The following A2ML1 variants were observed in gnomAD, a reference collection of about 807,000 sequenced individuals.
A2ML1 encodes alpha-2-macroglobulin like 1.
A neutral mutation model predicts 181.9 loss-of-function variants in A2ML1; 161 were observed. The observed-to-expected ratio is 0.89, with a 90% CI of 0.78 to 1.01. The LOEUF is 1.01. A2ML1 is among the 50% of genes least tolerant of loss of function. The pLI is 0.00. For synonymous variants in A2ML1, 663 were observed against 666.8 expected (o/e 0.99, Z 0.09); for missense variants, 1,670 against 1,768.1 (o/e 0.94, Z 1.00).
chr12:8,839,919 G>T (rs766940358), intron 10 of A2ML1, among the ~76,000 whole-genome samples: 88 of 152,008 alleles, frequency 5.8e-4, no homozygotes, highest in Admixed American at 5.1e-3. Context: ...GGCTAATTTT[G>T]TATTTTTAGT....
Position 8,845,388 on chromosome 12 carries a change from A to G in A2ML1, c.1477-54A>G, listed in dbSNP as rs1167624137. 5 of 1,593,556 alleles carry G rather than the reference A, an allele frequency of 3.1e-6. No individual in the cohort carries two copies. The African/African-American group carries it at 6.7e-5, about 21-fold the overall frequency. The stretch of plus-strand genomic sequence containing the variant: ...GCAGAGATGCTCTGGAAGTTGGTCC[A>G]AGGTGAAATTACTGTAACTTCTGTG... On this transcript the variant is annotated intron_variant, in intron 12 of 35. Transcript: ENST00000299698.
chr12:8,867,863 G>T lies in A2ML1; in HGVS notation c.3739G>T (p.Ala1247Ser), dbSNP rs1427087860. 6.2e-7 allele frequency: 1 copy of T among 1,614,190 alleles called. No homozygotes were observed. Among genetic ancestry groups the T allele is most frequent in the Non-Finnish European group, 8.5e-7 (1 of 1,180,026 alleles). The change falls in exon 30 of 36, where the codon GCT becomes TCT. Residue 1247 changes from alanine (A) to serine (S), a missense_variant. Ala to Ser is a moderately conservative substitution (Grantham distance 99). Transcript: ENST00000299698. ...TCAGGATACTGTAGTTGCTCTCCAA[G>T]CTCTTGCCAAATATGCCACTACCGC... ...STQDTVVALQ[A>S]LAKYATTAYM...
chr12:8,824,270 A>C (rs541063879), intron 3 of A2ML1, among the ~76,000 whole-genome samples: 277 of 103,668 alleles, frequency 2.7e-3, no homozygotes, highest in Non-Finnish European at 4.2e-3. Flanking sequence ...ATTCGTCCTT[A>C]CAGGGGCACT....
At chr12:8,834,219 G>C (rs1018137483) in intron 4 of A2ML1, among the ~76,000 whole-genome samples, 1 of 152,162 alleles carries the variant, frequency 6.6e-6, no homozygotes, top group Non-Finnish European at 1.5e-5. Context: ...TATTTGCAAT[G>C]CTTGAAAGTA....
chr12:8,868,704 G>T (rs751235240), intron 32 of A2ML1, 77 bp downstream of exon 32: 2 of 1,199,726 alleles, frequency 1.7e-6, no homozygotes, highest in African/African-American at 1.7e-5. Context: ...TGGTAAAATG[G>T]GCATCATGGC....
At chr12:8,868,801 C>T (rs1944521561) in intron 32 of A2ML1, among the ~76,000 whole-genome samples, 174 bp downstream of exon 32, 1 of 150,870 alleles carries the variant, frequency 6.6e-6, no homozygotes, top group Non-Finnish European at 1.5e-5. Flanking sequence ...AAGTAGTTTT[C>T]ATATATATAT....
rs1243267277 is a variant in A2ML1 at position 8,845,498 on chromosome 12, G to A, written c.1533G>A (p.Lys511=). 1 of 1,614,106 alleles carries A rather than the reference G, an allele frequency of 6.2e-7. No homozygotes were observed. Among genetic ancestry groups the A allele is most frequent in the South Asian group, 1.1e-5 (1 of 91,082 alleles). ...GGCAGAAACACCTGAACTCTAAGAA[G>A]AAAGGTGAGTGTACATGCTTTTCCC... ...MEGQKHLNSK[K]KGLKASFSLS... Residue 511 remains lysine (K), a synonymous_variant, in exon 13 of 36, where the codon AAG becomes AAA. Coordinates refer to ENST00000299698, the MANE Select transcript of A2ML1 (RefSeq NM_144670.6).
At chr12:8,823,060 A>G (rs1942795663) in intron 1 of A2ML1, 122 bp from the exon 2 acceptor site, 13 of 981,500 alleles carry the variant, frequency 1.3e-5, no homozygotes, top group Non-Finnish European at 2.0e-5. Context: ...AATGAGGTGC[A>G]TAAGGAAGGC....
intron 21 of A2ML1, 36 bp downstream of exon 21, chr12:8,854,285 C>T (rs376777225): frequency 8.4e-6 from 13 of 1,556,546 alleles, no homozygotes; most frequent in Admixed American, 1.9e-5. Flanking sequence ...AGCAACCAAC[C>T]GAGGGATGCT....
chr12:8,861,380 C>G, intron 28 of A2ML1, 83 bp downstream of exon 28: 1 of 1,443,336 alleles, frequency 6.9e-7, no homozygotes, highest in African/African-American at 1.4e-5. Flanking sequence ...ACCTCTGTCC[C>G]ACACATGTAC....
In A2ML1 at chr12:8,843,280, C is replaced by G. The variant is rs1943552986; in HGVS notation, c.1395C>G (p.Gly465=). 6.2e-7 allele frequency: 1 copy of G among 1,614,048 alleles called. No homozygotes were observed. Among genetic ancestry groups the G allele is most frequent in the Non-Finnish European group, 8.5e-7 (1 of 1,180,038 alleles). The change falls in exon 12 of 36, where the codon GGC becomes GGG. Residue 465 remains glycine, a synonymous_variant. Transcript: ENST00000299698. ...GGCTAAACGGCCCCTTGAAATGTGG[C>G]CAGCCCCAGGAAGTGCTGGTGGATT... is the stretch of plus-strand genomic sequence containing the variant. ...IHRLNGPLKC[G]QPQEVLVDYY... is the part of the protein sequence containing the mutation.
chr12:8,841,347 C>G (rs374335176), intron 10 of A2ML1, 22 bp from the exon 11 acceptor site: 1 of 1,606,912 alleles, frequency 6.2e-7, no homozygotes, highest in Non-Finnish European at 8.5e-7. Context: ...AATTCTAATC[C>G]GTAATGATCT....
Position 8,848,932 on chromosome 12 carries a change from T to G in A2ML1, c.2028+18T>G, listed in dbSNP as rs1943796419. 1 of 1,600,344 alleles carries G rather than the reference T, an allele frequency of 6.2e-7. No individual in the cohort carries two copies. The highest frequency in any genetic ancestry group is 1.1e-5 in the South Asian group (1 of 88,604). ...TTTTCCGGGTAGGTCTTCTTACCCA[T>G]TTTGTTCTTATGGGAAAGATGGTGG... On this transcript the variant is annotated intron_variant, in intron 16 of 35. Transcript: ENST00000299698.
Position 8,858,000 on chromosome 12 carries a change from T to C in A2ML1, c.3162T>C (p.Ile1054=), listed in dbSNP as rs531136249. The C allele has an allele frequency of 6.2e-7, 1 of 1,614,206 alleles. No individual in the cohort carries two copies. Among genetic ancestry groups the C allele is most frequent in the African/African-American group, 1.3e-5 (1 of 75,016 alleles). Residue 1054 remains isoleucine, a synonymous_variant, in exon 26 of 36, where the codon ATT becomes ATC. Transcript: ENST00000299698. ...CFGQAQKFIF[I]DPKNIQDALK... The stretch of plus-strand genomic sequence containing the variant: ...GCCAAGCTCAGAAATTCATCTTCAT[T>C]GATCCCAAGAACATCCAGGATGCTC...
In A2ML1 at chr12:8,829,654, C is replaced by CA. The variant is rs778132993; in HGVS notation, c.410-51dup. On this transcript the variant is annotated intron_variant, in intron 3 of 35. Coordinates refer to ENST00000299698, the MANE Select transcript of A2ML1 (RefSeq NM_144670.6). ...TGGGTGACAGAGTGAGACCCTGTAT[C>CA]AAAAAAAAAAAAAAAAAAAAAATTC... is the stretch of plus-strand genomic sequence containing the variant. 121,484 of 1,101,868 alleles carry CA rather than the reference C, an allele frequency of 0.11. 1,763 individuals are homozygous for CA. Among genetic ancestry groups the CA allele is most frequent in the African/African-American group, 0.16 (8,104 of 49,232 alleles). The allele number at this position is 1,101,868 out of a possible 1,614,324, so 68.3% of individuals were successfully genotyped here.
rs980842308 is a variant in A2ML1, at chr12:8,874,497, A to G, written c.4294A>G (p.Thr1432Ala). Residue 1432 changes from threonine to alanine, a missense_variant, in exon 34 of 36, where the codon ACC becomes GCC. Thr to Ala is a moderately conservative substitution (Grantham distance 58). Coordinates refer to ENST00000299698, the MANE Select transcript of A2ML1 (RefSeq NM_144670.6). ...SVLVTNLKPA[T>A]IKVYDYYLPD... is the part of the protein sequence containing the mutation. ...GCTGGTCACCAACTTGAAACCAGCA[A>G]CCATCAAGGTCTATGACTACTACCT... 5.6e-6 allele frequency: 9 copies of G among 1,614,054 alleles called. No individual in the cohort carries two copies. Among genetic ancestry groups the G allele is most frequent in the Non-Finnish European group, 7.6e-6 (9 of 1,179,936 alleles).
Position 8,863,880 on chromosome 12 carries a change from A to G in A2ML1, c.3589A>G (p.Thr1197Ala). The G allele has an allele frequency of 6.2e-7, 1 of 1,614,206 alleles. No individual in the cohort carries two copies. The highest frequency in any genetic ancestry group is 8.5e-7 in the Non-Finnish European group (1 of 1,180,028). The stretch of plus-strand genomic sequence containing the variant: ...GCCTGCGGCTGTAGATGTGGAACTC[A>G]CAGCATATGCATTGTTGGCCCAGCT... ...SEPAAVDVEL[T>A]AYALLAQLTK... Residue 1197 changes from threonine (T) to alanine (A), a missense_variant, in exon 29 of 36, where the codon ACA becomes GCA. By Grantham distance (58) the Thr-to-Ala change is moderately conservative (BLOSUM62 0). Transcript: ENST00000299698.
intron 20 of A2ML1, 24 bp from the exon 21 acceptor site, chr12:8,854,104 G>T (rs751414511): frequency 1.5e-5 from 23 of 1,556,770 alleles, no homozygotes; most frequent in Non-Finnish European, 1.9e-5. Flanking sequence ...TAGGGCTAAT[G>T]GCTTCCCTTC....
In A2ML1 at chr12:8,874,995, C is replaced by T. The variant is rs1005359224; in HGVS notation, c.4349C>T (p.Ser1450Phe). The T allele has an allele frequency of 6.2e-7, 1 of 1,614,118 alleles. No homozygotes were observed. The highest frequency in any genetic ancestry group is 8.5e-7 in the Non-Finnish European group (1 of 1,180,000). ...GATGAACAGGCAACAATTCAGTATT[C>T]TGATCCCTGTGAATGAGGTAAGTCC... ...LPDEQATIQY[S>F]DPCE The change falls in exon 35 of 36, where the codon TCT (serine) becomes TTT (phenylalanine). Residue 1450 changes from serine (S) to phenylalanine (F), a missense_variant. Coordinates refer to ENST00000299698, the MANE Select transcript of A2ML1 (RefSeq NM_144670.6).
Sources: allele counts gnomAD v4.1 joint callset (sites outside exome capture counted in the v4.1 genomes callset), GRCh38; gene constraint gnomAD v4.1.1; transcripts MANE v1.5; gene names NCBI Gene and HGNC (gene_info 2026-07-23, HGNC 2026-07-21).